ADCY3: variants seen among roughly 807,000 people sequenced by gnomAD.
The protein encoded by ADCY3 is adenylate cyclase type 3.
In ADCY3, 70 loss-of-function variants were observed where a neutral mutation model predicts 119.4. The ratio of observed to expected loss-of-function variants is 0.59; its 90% CI spans 0.48 to 0.72. The LOEUF is 0.72. ADCY3 is among the 30% of genes least tolerant of loss of function. The probability of loss-of-function intolerance (pLI) is 0.00; values close to 1 mark genes in which losing one functional copy is unlikely to be tolerated. For synonymous variants in ADCY3, 672 were observed against 621.4 expected, an observed-to-expected ratio of 1.08 and a Z score of -1.21; for missense variants, 1,238 against 1,541.6, an observed-to-expected ratio of 0.80 and a Z score of 3.30.
chr2:24,842,747 A>AGCCACCC lies in ADCY3; in HGVS notation c.826-370_826-364dup, dbSNP rs1671177035. ...GGCAGGAGCCCTGCGGGGTCACCTC[A>AGCCACCC]GCCACCCGCCACGGCTGCACAGAGC... is the stretch of plus-strand genomic sequence containing the variant. On this transcript the variant is annotated intron_variant, in intron 3 of 21. Transcript: ENST00000679454. This position sits in a 1 kb window ranked among gnomAD's most constrained non-coding sequence, Gnocchi z 4.9. Among the ~76,000 whole-genome samples, 2 of 152,184 alleles carry AGCCACCC rather than the reference A, an allele frequency of 1.3e-5. No homozygotes were observed. The highest frequency in any genetic ancestry group is 4.1e-4 in the South Asian group (2 of 4,828).
intron 3 of ADCY3, among the ~76,000 whole-genome samples, chr2:24,869,296 T>C (rs552615006): frequency 6.6e-6 from 1 of 152,166 alleles, no homozygotes; most frequent in Admixed American, 6.5e-5. Context: ...AAAACCTATA[T>C]AAAAGGAAAT....
intron 3 of ADCY3, among the ~76,000 whole-genome samples, chr2:24,868,567 G>A (rs1036493043): frequency 5.3e-5 from 8 of 152,144 alleles, no homozygotes; most frequent in Non-Finnish European, 1.0e-4. Context: ...TCAGGAGGTA[G>A]AGGTTGCAGT....
chr2:24,849,836 C>T (rs913022058), intron 3 of ADCY3, among the ~76,000 whole-genome samples: 1 of 152,164 alleles, frequency 6.6e-6, no homozygotes, highest in African/African-American at 2.4e-5. Flanking sequence ...CCTCTGGCAA[C>T]CGCCTCTGAA....
intron 2 of ADCY3, among the ~76,000 whole-genome samples, chr2:24,879,452 CAAAAAAAAAA>C (rs34029858): frequency 1.1e-4 from 7 of 66,084 alleles, no homozygotes; most frequent in African/African-American, 4.1e-4. Context: ...GACTCTGTCT[CAAAAAAAAAA>C]AAAAAAAAAA....
At chr2:24,866,348 G>A (rs1042287501) in intron 3 of ADCY3, among the ~76,000 whole-genome samples, 1 of 152,120 alleles carries the variant, frequency 6.6e-6, no homozygotes, top group Admixed American at 6.5e-5. Context: ...TAAAGTGGGA[G>A]GATTGCTTGA....
At chr2:24,911,755 C>T (rs185023355) in intron 2 of ADCY3, among the ~76,000 whole-genome samples, 7 of 151,620 alleles carry the variant, frequency 4.6e-5, no homozygotes, top group Admixed American at 4.6e-4. Flanking sequence ...CATTATGTTG[C>T]CCAGGCTGGT....
intron 2 of ADCY3, among the ~76,000 whole-genome samples, chr2:24,875,989 G>GT (rs1675642156): frequency 6.6e-6 from 1 of 150,822 alleles, no homozygotes; most frequent in African/African-American, 2.5e-5. Flanking sequence ...TTCTTTTTGG[G>GT]AGGGGGGCGG....
At chr2:24,887,353 T>C (rs7599796) in intron 2 of ADCY3, among the ~76,000 whole-genome samples, 26,110 of 152,044 alleles carry the variant, frequency 0.17, 3,736 homozygotes, top group African/African-American at 0.39. Context: ...GAGATTTGGG[T>C]GGGGACGCAA....
At position 24,841,223 on chromosome 2, in the gene ADCY3, C is replaced by G. The variant is rs1189512386; in HGVS notation, c.1196+36G>C. 6.5e-7 allele frequency: 1 copy of G among 1,533,136 alleles called. No homozygotes were observed. The highest frequency in any genetic ancestry group is 8.8e-7 in the Non-Finnish European group (1 of 1,138,210). The allele number at this position is 1,533,136 out of a possible 1,614,324, so 95.0% of individuals were successfully genotyped here. A position where few individuals can be genotyped will look rare whatever the true frequency, so the allele number is the denominator to read the frequency against. ...CCTGGGTCCAGGGCCGGGGCCCTTG[C>G]TCTGGGAGCCTCCCTCCCAGAGGCA... On this transcript the variant is annotated intron_variant, in intron 6 of 21. Coordinates refer to ENST00000679454, the MANE Select transcript of ADCY3 (RefSeq NM_004036.5). The surrounding 1 kb of genome is among the most constrained non-coding windows in gnomAD (Gnocchi z 5.8).
At chr2:24,886,424 C>A (rs963443215) in intron 2 of ADCY3, among the ~76,000 whole-genome samples, 1 of 152,190 alleles carries the variant, frequency 6.6e-6, no homozygotes, top group Non-Finnish European at 1.5e-5. Flanking sequence ...AGCCTCCTTG[C>A]GCTACATCAT....
chr2:24,823,507 T>TG, intron 17 of ADCY3, 152 bp from the exon 18 acceptor site: 1 of 852,680 alleles, frequency 1.2e-6, no homozygotes, highest in Non-Finnish European at 1.7e-6. Context: ...TTTTTTTTTT[T>TG]TTAAGAGTGG....
At chr2:24,911,063 C>T (rs1663555273) in intron 2 of ADCY3, among the ~76,000 whole-genome samples, 1 of 152,048 alleles carries the variant, frequency 6.6e-6, no homozygotes, top group African/African-American at 2.4e-5. Context: ...GGTTGCAACA[C>T]TCAACACCCC....
At chr2:24,907,253 G>A (rs1662969756) in intron 2 of ADCY3, among the ~76,000 whole-genome samples, 1 of 152,012 alleles carries the variant, frequency 6.6e-6, no homozygotes, top group South Asian at 2.1e-4. Context: ...AGCTGTCGCA[G>A]TCTTCCACTA....
chr2:24,854,777 T>A (rs1163298823), intron 3 of ADCY3, among the ~76,000 whole-genome samples: 1 of 152,072 alleles, frequency 6.6e-6, no homozygotes, highest in Non-Finnish European at 1.5e-5. Flanking sequence ...AGCCTGGGCA[T>A]GGTGGATCAC....
At chr2:24,826,757 A>T (rs1305371980) in intron 15 of ADCY3, 1 of 152,492 alleles carries the variant, frequency 6.6e-6, no homozygotes, top group African/African-American at 2.4e-5. Flanking sequence ...GTATATATAT[A>T]TATACACATA....
intron 18 of ADCY3, 33 bp from the exon 19 acceptor site, chr2:24,822,663 A>C (rs374537031): frequency 2.3e-5 from 37 of 1,609,928 alleles, no homozygotes; most frequent in Non-Finnish European, 3.1e-5. Context: ...AATTGTCAGC[A>C]GTCAAGGGAG....
intron 3 of ADCY3, among the ~76,000 whole-genome samples, chr2:24,864,288 C>CA (rs929916342): frequency 6.6e-6 from 1 of 151,082 alleles, no homozygotes; most frequent in African/African-American, 2.4e-5. Context: ...GACTCTGTCT[C>CA]AAAAAAACAA....
chr2:24,819,672 C>T lies in ADCY3; in HGVS notation c.*260G>A, dbSNP rs1667242134. ...GGTCAGGGCCCCTCAGGGGCAAGGA[C>T]GGCAGGGATTGGAACGAGGGCTCTG... On this transcript the variant is annotated 3_prime_UTR_variant, in exon 22 of 22. Transcript: ENST00000679454. The T allele has an allele frequency of 1.3e-5, 5 of 388,058 alleles. No homozygotes were observed. Among genetic ancestry groups the T allele is most frequent in the East Asian group, 9.8e-5 (2 of 20,356 alleles). 24.0% of individuals were successfully genotyped at this position (388,058 alleles called of 1,614,324 possible).
chr2:24,860,140 T>C, intron 3 of ADCY3, among the ~76,000 whole-genome samples: 1 of 152,234 alleles, frequency 6.6e-6, no homozygotes, highest in East Asian at 1.9e-4. Context: ...CTGAGTATGA[T>C]TCAGAGAGGC....
Sources: gnomAD v4.1 joint callset for allele counts (sites outside exome capture counted in the v4.1 genomes callset) on GRCh38, gnomAD v4.1.1 for gene constraint, Gnocchi (gnomAD v3.1) non-coding constraint, MANE v1.5 for transcripts, NCBI Gene and HGNC (gene_info 2026-07-23, HGNC 2026-07-21) for gene names.